The following MRPS33 variants were observed in gnomAD, a reference collection of about 807,000 sequenced individuals.
MRPS33 encodes small ribosomal subunit protein mS33.
Under a neutral mutation model 11.2 loss-of-function variants are expected in MRPS33, and 11 were observed. The observed-to-expected ratio is 0.99, with a 90% CI of 0.62 to 1.63. The LOEUF (loss-of-function observed/expected upper bound fraction) is 1.63, where lower values mean the gene tolerates loss of function less well. Among genes scored for constraint, MRPS33 ranks in the 40% most tolerant of loss-of-function variants. The pLI is 0.00. For missense variants in MRPS33, 109 were observed against 127.8 expected, an observed-to-expected ratio of 0.85 and a Z score of 0.71; for synonymous variants, 46 against 44.0, an observed-to-expected ratio of 1.05 and a Z score of -0.18.
At chr7:141,008,244 AAGTCTT>A (rs1214840184) in intron 2 of MRPS33, among the ~76,000 whole-genome samples, 2 of 152,200 alleles carry the variant, frequency 1.3e-5, no homozygotes, top group Non-Finnish European at 2.9e-5. Context: ...AAAGATAGTT[AAGTCTT>A]TATTTTTCAA....
intron 2 of MRPS33, 35 bp from the exon 3 acceptor site, chr7:141,006,570 T>C (rs777193240): frequency 1.9e-6 from 3 of 1,553,980 alleles, no homozygotes; most frequent in Non-Finnish European, 8.9e-7. Flanking sequence ...TAACCAGTTA[T>C]TTTTACGAGT....
At chr7:141,013,855 A>T (rs1368372718) in intron 1 of MRPS33, among the ~76,000 whole-genome samples, 1 of 152,226 alleles carries the variant, frequency 6.6e-6, no homozygotes, top group Admixed American at 6.5e-5. Context: ...TTAAAAGATT[A>T]TTTCAATAAG....
chr7:141,006,638 T>A, intron 2 of MRPS33, 103 bp from the exon 3 acceptor site: 1 of 984,782 alleles, frequency 1.0e-6, no homozygotes, highest in Non-Finnish European at 1.5e-6. Flanking sequence ...GTTATCGATC[T>A]TTGACTTTTA....
At chr7:141,008,277 A>G (rs1413364378) in intron 2 of MRPS33, among the ~76,000 whole-genome samples, 4 of 152,352 alleles carry the variant, frequency 2.6e-5, no homozygotes, top group Admixed American at 2.6e-4. Context: ...AGACAGCAGC[A>G]GCAAAAAGAT....
chr7:141,006,566 G>A, intron 2 of MRPS33, 31 bp from the exon 3 acceptor site: 2 of 1,558,118 alleles, frequency 1.3e-6, no homozygotes, highest in African/African-American at 1.4e-5. Context: ...TAATTAACCA[G>A]TTATTTTTAC....
rs188532874 is a variant in MRPS33 at position 141,007,278 on chromosome 7, A to G, written c.216-743T>C. ...ATTTACTAGATCTGTCACCTTGGAT[A>G]AGTGGCCTTACCTCCCTGCACCTTA... On this transcript the variant is annotated intron_variant, in intron 2 of 2. Coordinates refer to ENST00000324787, the MANE Select transcript of MRPS33 (RefSeq NM_053035.3). Among the ~76,000 whole-genome samples, 28 of 152,262 alleles carry G rather than the reference A, an allele frequency of 1.8e-4. 1 individual carries two copies. In the East Asian group the frequency reaches 4.2e-3, roughly 23 times the overall value.
rs1210726472 is a variant in MRPS33, at chr7:141,002,926, T to G, written c.*3504A>C. On this transcript the variant is annotated 3_prime_UTR_variant, in exon 3 of 3. Coordinates refer to ENST00000324787, the MANE Select transcript of MRPS33 (RefSeq NM_053035.3). ...TACTTACTAGTCACATAATGTGCTA[T>G]ATGTAAAAGTTTTTAACTTTTTATA... The G allele has an allele frequency of 6.6e-6, 1 of 152,286 alleles. No homozygotes were observed. The highest frequency in any genetic ancestry group is 1.5e-5 in the Non-Finnish European group (1 of 68,090). The allele number at this position is 152,286 out of a possible 1,614,324, so 9.4% of individuals were successfully genotyped here. A position where few individuals can be genotyped will look rare whatever the true frequency, so the allele number is the denominator to read the frequency against.
intron 2 of MRPS33, among the ~76,000 whole-genome samples, chr7:141,007,883 T>C (rs1253111559): frequency 6.6e-6 from 1 of 152,320 alleles, no homozygotes; most frequent in East Asian, 1.9e-4. Context: ...TTCCACAGCA[T>C]GTTCAACTTT....
chr7:141,006,390 C>A lies in MRPS33; in HGVS notation c.*40G>T. ...GACAATAAATGCACTTTCTTCTCTCCGCCACTGAGGAAGAAAGTCTCCCTC... is the reference window on the plus strand; with the variant it reads ...GACAATAAATGCACTTTCTTCTCTCAGCCACTGAGGAAGAAAGTCTCCCTC... On this transcript the variant is annotated 3_prime_UTR_variant, in exon 3 of 3. Transcript: ENST00000324787. 1 of 1,523,466 alleles carries A rather than the reference C, an allele frequency of 6.6e-7. No individual in the cohort carries two copies. Among genetic ancestry groups the A allele is most frequent in the Non-Finnish European group, 9.1e-7 (1 of 1,103,702 alleles). The allele number at this position is 1,523,466 out of a possible 1,614,324, so 94.4% of individuals were successfully genotyped here. A position where few individuals can be genotyped will look rare whatever the true frequency, so the allele number is the denominator to read the frequency against.
At chr7:141,007,664 G>A (rs1586729277) in intron 2 of MRPS33, among the ~76,000 whole-genome samples, 1 of 152,176 alleles carries the variant, frequency 6.6e-6, no homozygotes, top group Non-Finnish European at 1.5e-5. Context: ...CCACCTCAAG[G>A]CCTTTGCTGT....
chr7:141,005,770 T>G lies in MRPS33; in HGVS notation c.*660A>C, dbSNP rs1820510064. On this transcript the variant is annotated 3_prime_UTR_variant, in exon 3 of 3. Transcript: ENST00000324787. ...CTTATAGAAGTCTGGCTTTTTCCTT[T>G]GTAGCATGTAATACAATTGTATGTA... The G allele has an allele frequency of 6.6e-6, 1 of 152,232 alleles. No individual in the cohort carries two copies. Among genetic ancestry groups the G allele is most frequent in the Non-Finnish European group, 1.5e-5 (1 of 68,066 alleles). 9.4% of individuals were successfully genotyped at this position (152,232 alleles called of 1,614,324 possible).
chr7:141,007,674 T>C (rs2129164419), intron 2 of MRPS33, among the ~76,000 whole-genome samples: 1 of 152,288 alleles, frequency 6.6e-6, no homozygotes, highest in South Asian at 2.1e-4. Flanking sequence ...GCCTTTGCTG[T>C]GCTCTTGCCC....
At chr7:141,011,331 G>C (rs1820669449) in intron 1 of MRPS33, among the ~76,000 whole-genome samples, 1 of 152,180 alleles carries the variant, frequency 6.6e-6, no homozygotes, top group African/African-American at 2.4e-5. Context: ...CGTATGAATT[G>C]TAAGGTTACT....
rs2129163761 is a variant in MRPS33 at position 141,004,490 on chromosome 7, C to T, written c.*1940G>A. 6.6e-6 allele frequency: 1 copy of T among 152,282 alleles called. No homozygotes were observed. The highest frequency in any genetic ancestry group is 2.1e-4 in the South Asian group (1 of 4,826). 9.4% of individuals were successfully genotyped at this position (152,282 alleles called of 1,614,324 possible). On this transcript the variant is annotated 3_prime_UTR_variant, in exon 3 of 3. Coordinates refer to ENST00000324787, the MANE Select transcript of MRPS33 (RefSeq NM_053035.3). ...ATATGTACTGGGAATCTTTCTACTTCAGGAATCATTGAGTGTTACAGAGAA... is the reference window on the plus strand; with the variant it reads ...ATATGTACTGGGAATCTTTCTACTTTAGGAATCATTGAGTGTTACAGAGAA...
At chr7:141,010,339 G>T in intron 2 of MRPS33, 80 bp downstream of exon 2, 1 of 1,390,578 alleles carries the variant, frequency 7.2e-7, no homozygotes, top group Non-Finnish European at 1.0e-6. Flanking sequence ...AAACTACAAG[G>T]ATAGAAAGGC....
chr7:141,013,549 C>T (rs1383016560), intron 1 of MRPS33, among the ~76,000 whole-genome samples: 1 of 152,114 alleles, frequency 6.6e-6, no homozygotes, highest in African/African-American at 2.4e-5. Context: ...ATGTCTCTCA[C>T]GAAGAATAAC....
At chr7:141,008,261 A>G (rs1206525643) in intron 2 of MRPS33, among the ~76,000 whole-genome samples, 3 of 151,576 alleles carry the variant, frequency 2.0e-5, no homozygotes, top group Non-Finnish European at 4.4e-5. Flanking sequence ...TATTTTTCAA[A>G]CAAACAGACA....
At chr7:141,010,719 A>G (rs1820657075) in intron 1 of MRPS33, 59 bp from the exon 2 acceptor site, 3 of 1,292,192 alleles carry the variant, frequency 2.3e-6, no homozygotes, top group Non-Finnish European at 3.4e-6. Context: ...AGATTAGCTA[A>G]TGAATAAGTT....
At position 141,010,509 on chromosome 7, in the gene MRPS33, A is replaced by C. The variant is rs375878978; in HGVS notation, c.125T>G (p.Leu42Trp). 1.8e-5 allele frequency: 29 copies of C among 1,614,070 alleles called. No homozygotes were observed. The highest frequency in any genetic ancestry group is 1.6e-4 in the Middle Eastern group (1 of 6,084). The change falls in exon 2 of 3, where the codon TTG (leucine) becomes TGG (tryptophan). Residue 42 changes from leucine (L) to tryptophan (W), a missense_variant. By Grantham distance (61) the Leu-to-Trp change is moderately conservative. Coordinates refer to ENST00000324787, the MANE Select transcript of MRPS33 (RefSeq NM_053035.3). ...KVVKLFSELPLAKKKETYDWY... is the reference protein window; with the variant it reads ...KVVKLFSELPWAKKKETYDWY... ...ATCATAAGTCTCCTTCTTCTTGGCC[A>C]AGGGCAGTTCACTAAACAGTTTCAC...
Sources: allele counts gnomAD v4.1 joint callset (sites outside exome capture counted in the v4.1 genomes callset), GRCh38; gene constraint gnomAD v4.1.1; transcripts MANE v1.5; gene names NCBI Gene and HGNC (gene_info 2026-07-23, HGNC 2026-07-21).